Variants in ABCB6 observed in about 807,000 individuals in gnomAD.
The protein encoded by ABCB6 is ATP binding cassette subfamily B member 6 (LAN blood group).
In ABCB6, 87 loss-of-function variants were observed where a neutral mutation model predicts 99.4. The ratio of observed to expected loss-of-function variants is 0.88; its 90% CI spans 0.74 to 1.05. The LOEUF (loss-of-function observed/expected upper bound fraction) is 1.05. Among genes scored for constraint, ABCB6 ranks in the 50% least tolerant of loss-of-function variants. The probability of loss-of-function intolerance (pLI) is 0.00; values close to 1 mark genes in which losing one functional copy is unlikely to be tolerated. For missense variants in ABCB6, 1,050 were observed against 1,097.9 expected (o/e 0.96, Z 0.62); for synonymous variants, 482 against 447.5 (o/e 1.08, Z -0.97).
chr2:219,213,159 AGCAGG>A, intron 12 of ABCB6, 77 bp downstream of exon 12: 1 of 1,605,922 alleles, frequency 6.2e-7, no homozygotes, highest in Non-Finnish European at 8.5e-7. Context: ...CTTTTCCAAA[AGCAGG>A]GATTCAGAGC....
chr2:219,210,579 G>C, intron 16 of ABCB6, 104 bp from the exon 17 acceptor site: 1 of 1,585,900 alleles, frequency 6.3e-7, no homozygotes, highest in Admixed American at 1.8e-5. Flanking sequence ...AGCCTTGTTT[G>C]GGCTTGAGAA....
intron 6 of ABCB6, 60 bp from the exon 7 acceptor site, chr2:219,214,558 T>C (rs1950617087): frequency 7.9e-7 from 1 of 1,264,286 alleles, no homozygotes; most frequent in Non-Finnish European, 1.2e-6. Flanking sequence ...AGAGACCAAA[T>C]GTCAATGTCC....
At chr2:219,217,177 G>A (rs1001416834) in intron 2 of ABCB6, among the ~76,000 whole-genome samples, 39 of 151,902 alleles carry the variant, frequency 2.6e-4, no homozygotes, top group Non-Finnish European at 5.1e-4. Context: ...TGGCCAACAT[G>A]GTGAAACCCC....
rs1303001486 is a variant in ABCB6 at position 219,211,563 on chromosome 2, TA to T, written c.1969-456del. ...AAATGATCCTGCTGCCTTGACCTCC[TA>T]AAGTGTTGGGATTACAGGTGTGAGC... On this transcript the variant is annotated intron_variant, in intron 14 of 18. Transcript: ENST00000265316. 5.4e-5 allele frequency among the ~76,000 whole-genome samples: 8 copies of T among 149,366 alleles called. No individual in the cohort carries two copies. The East Asian group carries it at 1.4e-3, about 26-fold the overall frequency.
Position 219,215,093 on chromosome 2 carries a change from A to C in ABCB6, c.1155-11T>G. 1 of 1,614,032 alleles carries C rather than the reference A, an allele frequency of 6.2e-7. No individual in the cohort carries two copies. Among genetic ancestry groups the C allele is most frequent in the Non-Finnish European group, 8.5e-7 (1 of 1,179,984 alleles). On this transcript the variant is annotated splice_polypyrimidine_tract_variant and intron_variant, in intron 5 of 18. Transcript: ENST00000265316. Reference sequence around the variant, plus strand: ...TTGAACACCAGGTAGCTAGGAGGGCAGGTCAAGTGAATAAGAAAGGTCTGG... The same window carrying C: ...TTGAACACCAGGTAGCTAGGAGGGCCGGTCAAGTGAATAAGAAAGGTCTGG...
At chr2:219,212,295 A>G in intron 14 of ABCB6, 92 bp downstream of exon 14, 1 of 1,086,192 alleles carries the variant, frequency 9.2e-7, no homozygotes, top group Non-Finnish European at 1.4e-6. Flanking sequence ...GTTTTTTTGC[A>G]AGGGTGACAT....
chr2:219,214,141 C>T lies in ABCB6; in HGVS notation c.1432G>A (p.Glu478Lys), dbSNP rs1484505673. ...CTCACCTGATATTTGATGATGGCCTCTCGATAGCGTTCCACTTCGTAACTC... is the reference window on the plus strand; with the variant it reads ...CTCACCTGATATTTGATGATGGCCTTTCGATAGCGTTCCACTTCGTAACTC... ...AESYEVERYR[E>K]AIIKYQGLEW... Residue 478 changes from glutamate (E) to lysine (K), a missense_variant, in exon 8 of 19, where the codon GAG becomes AAG. Glu to Lys is a moderately conservative substitution (Grantham distance 56, BLOSUM62 1). Transcript: ENST00000265316. 1.3e-5 allele frequency: 21 copies of T among 1,614,204 alleles called. No individual in the cohort carries two copies. Among genetic ancestry groups the T allele is most frequent in the Non-Finnish European group, 1.8e-5 (21 of 1,180,052 alleles).
In ABCB6 at chr2:219,213,513, G is replaced by C; in HGVS notation, c.1656-11C>G. 1 of 1,614,220 alleles carries C rather than the reference G, an allele frequency of 6.2e-7. No homozygotes were observed. The highest frequency in any genetic ancestry group is 8.5e-7 in the Non-Finnish European group (1 of 1,180,048). ...TTGGTCTGGATCATCCTGCAAAAAG[G>C]TGCTGGTTAGGACTTCTCTGAGTAG... On this transcript the variant is annotated splice_polypyrimidine_tract_variant and intron_variant, in intron 10 of 18. Coordinates refer to ENST00000265316, the MANE Select transcript of ABCB6 (RefSeq NM_005689.4).
In ABCB6 at chr2:219,216,313, G is replaced by T; in HGVS notation, c.970+51C>A. ...TGGGAGAGGCGGATGCTGAGGGAAT[G>T]CCTGTGGGAGGGACCTATACCTAGC... On this transcript the variant is annotated intron_variant, in intron 4 of 18. Coordinates refer to ENST00000265316, the MANE Select transcript of ABCB6 (RefSeq NM_005689.4). The surrounding 1 kb of genome is among the most constrained non-coding windows in gnomAD (Gnocchi z 4.2). The T allele has an allele frequency of 6.3e-7, 1 of 1,590,478 alleles. No homozygotes were observed. Among genetic ancestry groups the T allele is most frequent in the Non-Finnish European group, 8.6e-7 (1 of 1,159,220 alleles).
rs759835717 is a variant in ABCB6, at chr2:219,216,446, C to T, written c.888G>A (p.Lys296=). The change falls in exon 4 of 19, where the codon AAG becomes AAA. Residue 296 remains lysine (K), a synonymous_variant. Coordinates refer to ENST00000265316, the MANE Select transcript of ABCB6 (RefSeq NM_005689.4). This position sits in a 1 kb window ranked among gnomAD's most constrained non-coding sequence, Gnocchi z 4.2. ...TCCAGGCCAGAGAGTTCCAAGGTGC[C>T]TTCTCAGTCAGCAAGTTCACTGTGG... ...YRNIVNLLTE[K]APWNSLAWTV... 1.9e-6 allele frequency: 3 copies of T among 1,614,060 alleles called. No individual in the cohort carries two copies. Among genetic ancestry groups the T allele is most frequent in the Non-Finnish European group, 2.5e-6 (3 of 1,179,986 alleles).
In ABCB6 at chr2:219,213,895, C is replaced by T. The variant is rs527260048; in HGVS notation, c.1509G>A (p.Leu503=). 1.9e-6 allele frequency: 3 copies of T among 1,614,136 alleles called. No homozygotes were observed. The highest frequency in any genetic ancestry group is 1.7e-5 in the Admixed American group (1 of 60,030). Residue 503 remains leucine, a synonymous_variant, in exon 9 of 19, where the codon CTG becomes CTA. Transcript: ENST00000265316. ...SLVLLNQTQN[L]VIGLGLLAGS... Reference sequence around the variant, plus strand: ...CGGCGAGGAGCCCGAGCCCAATCACCAGGTTCTGGGTCTGATTTAGTAAAA... The same window carrying T: ...CGGCGAGGAGCCCGAGCCCAATCACTAGGTTCTGGGTCTGATTTAGTAAAA...
In ABCB6 at chr2:219,216,579, C is replaced by T. The variant is rs1415970057; in HGVS notation, c.868+73G>A. On this transcript the variant is annotated intron_variant, in intron 3 of 18. Coordinates refer to ENST00000265316, the MANE Select transcript of ABCB6 (RefSeq NM_005689.4). This position sits in a 1 kb window ranked among gnomAD's most constrained non-coding sequence, Gnocchi z 4.2. ...TGACCACCCAGCTCTGTCCCACCTC[C>T]CTAGGTAAGGACCATCCCAGCCACC... The T allele has an allele frequency of 9.8e-6, 15 of 1,535,094 alleles. No homozygotes were observed. The highest frequency in any genetic ancestry group is 4.9e-5 in the East Asian group (2 of 40,918).
At chr2:219,214,589 T>G in intron 6 of ABCB6, 91 bp from the exon 7 acceptor site, 1 of 963,264 alleles carries the variant, frequency 1.0e-6, no homozygotes, top group Non-Finnish European at 1.7e-6. Context: ...ATGTACACAC[T>G]AAGCCTATGC....
Position 219,218,305 on chromosome 2 carries a change from C to T in ABCB6, c.369G>A (p.Trp123Ter), listed in dbSNP as rs1950672997. The T allele has an allele frequency of 6.2e-7, 1 of 1,613,294 alleles. No individual in the cohort carries two copies. Among genetic ancestry groups the T allele is most frequent in the Non-Finnish European group, 8.5e-7 (1 of 1,180,028 alleles). Residue 123 changes from tryptophan (W) to a stop codon, truncating the protein, a stop_gained, in exon 1 of 19, where the codon TGG (tryptophan) becomes TGA (stop). Coordinates refer to ENST00000265316, the MANE Select transcript of ABCB6 (RefSeq NM_005689.4). LOFTEE classifies it high-confidence loss of function. ...CCTGGCTCCGCTCCACGACAAGCAG[C>T]CACAGGCCACAGGCGCCGGCCAGAC... ...LESLAGACGL[W>*]LLVVERSQAR...
rs2106426775 is a variant in ABCB6 at position 219,214,980 on chromosome 2, C to T, written c.1257G>A (p.Leu419=). ...ACTCACTGAGGTAAAGACTCATGCA[C>T]AGGAACACAATGAGGCCAAACCAGG... ...FNAWFGLIVF[L]CMSLYLTLTI... Residue 419 remains leucine, a synonymous_variant, in exon 6 of 19, where the codon CTG becomes CTA. Transcript: ENST00000265316. The T allele has an allele frequency of 1.2e-6, 2 of 1,614,124 alleles. No homozygotes were observed. The highest frequency in any genetic ancestry group is 2.2e-5 in the East Asian group (1 of 44,882).
intron 16 of ABCB6, 100 bp downstream of exon 16, chr2:219,210,611 A>G: frequency 6.3e-7 from 1 of 1,596,482 alleles, no homozygotes. Context: ...GTTTTGTGAG[A>G]TTTGAATTCA....
rs1950562762 is a variant in ABCB6, at chr2:219,210,486, G to C, written c.2257-11C>G. On this transcript the variant is annotated splice_polypyrimidine_tract_variant and intron_variant, in intron 16 of 18. Coordinates refer to ENST00000265316, the MANE Select transcript of ABCB6 (RefSeq NM_005689.4). Reference sequence around the variant, plus strand: ...CAGCGCTGACGTTGCCTATAGAGAGGGTCCAGGTAAAACTGCTCCTGCCAC... The same window carrying C: ...CAGCGCTGACGTTGCCTATAGAGAGCGTCCAGGTAAAACTGCTCCTGCCAC... 1 of 1,613,054 alleles carries C rather than the reference G, an allele frequency of 6.2e-7. No homozygotes were observed. The highest frequency in any genetic ancestry group is 1.3e-5 in the African/African-American group (1 of 74,892).
In ABCB6 at chr2:219,216,123, C is replaced by T. The variant is rs60322991; in HGVS notation, c.1028G>A (p.Arg343Gln). 8.3e-3 allele frequency: 13,271 copies of T among 1,598,210 alleles called. 935 individuals carry two copies. The African/African-American group carries it at 0.15, about 18-fold the overall frequency. Residue 343 changes from arginine to glutamine, a missense_variant, in exon 5 of 19, where the codon CGG becomes CAG. By Grantham distance (43) the Arg-to-Gln change is conservative. Transcript: ENST00000265316. This position sits in a 1 kb window ranked among gnomAD's most constrained non-coding sequence, Gnocchi z 4.2. Reference sequence around the variant, plus strand: ...GGAGAAGATGAGCAGCTCCACCCGCCGAGACGTGAACTGCTGCACCCGGAT... The same window carrying T: ...GGAGAAGATGAGCAGCTCCACCCGCTGAGACGTGAACTGCTGCACCCGGAT... ...LWIRVQQFTS[R>Q]RVELLIFSHL... is the part of the protein sequence containing the mutation.
Position 219,218,832 on chromosome 2 carries a change from C to G in ABCB6, c.-159G>C. 3 of 766,960 alleles carry G rather than the reference C, an allele frequency of 3.9e-6. No homozygotes were observed. The highest frequency in any genetic ancestry group is 5.9e-6 in the Non-Finnish European group (3 of 507,176). 47.5% of individuals were successfully genotyped at this position (766,960 alleles called of 1,614,324 possible). A position where few individuals can be genotyped will look rare whatever the true frequency, so the allele number is the denominator to read the frequency against. ...GGGAAGGGACGCACGTGGACCAGGC[C>G]TCACCGCCCACTCCCCTAGCGCACG... On this transcript the variant is annotated 5_prime_UTR_variant, in exon 1 of 19. Transcript: ENST00000265316.
Sources: allele counts gnomAD v4.1 joint callset (sites outside exome capture counted in the v4.1 genomes callset), GRCh38; gene constraint gnomAD v4.1.1; non-coding constraint Gnocchi (gnomAD v3.1); transcripts MANE v1.5; gene names NCBI Gene and HGNC (gene_info 2026-07-23, HGNC 2026-07-21).